The following DNAH3 variants were observed in gnomAD, a reference collection of about 807,000 sequenced individuals.
DNAH3 encodes dynein axonemal heavy chain 3.
Under a neutral mutation model 432.5 loss-of-function variants are expected in DNAH3, and 332 were observed. The observed-to-expected ratio is 0.77, with a 90% CI of 0.70 to 0.84. DNAH3 has a LOEUF of 0.84. Ranked by LOEUF, DNAH3 falls within the 40% of genes least tolerant of loss-of-function variation. DNAH3 has a pLI of 0.00. For missense variants in DNAH3, 4,861 were observed against 5,114.0 expected (o/e 0.95, Z 1.51); for synonymous variants, 1,956 against 1,900.2 (o/e 1.03, Z -0.76).
exon 52 of DNAH3, chr16:20,969,922 G>A (rs370460232): frequency 8.7e-6 from 14 of 1,614,042 alleles, no homozygotes; most frequent in African/African-American, 1.3e-5. Flanking sequence ...CCGGGTTCAG[G>A]GTGTCCAGAG....
chr16:20,988,984 G>A (rs931108366), intron 44 of DNAH3, among the ~76,000 whole-genome samples: 8 of 152,210 alleles, frequency 5.3e-5, no homozygotes, highest in African/African-American at 1.9e-4. Flanking sequence ...GAGTGAAGTT[G>A]CAGACTTTCG....
Position 20,941,381 on chromosome 16 carries a change from A to C in DNAH3, c.11654+20T>G, listed in dbSNP as rs1482026839. 1 of 1,613,350 alleles carries C rather than the reference A, an allele frequency of 6.2e-7. No individual in the cohort carries two copies. Among genetic ancestry groups the C allele is most frequent in the Non-Finnish European group, 8.5e-7 (1 of 1,179,708 alleles). On this transcript the variant is annotated intron_variant, in intron 59 of 61. Transcript: ENST00000261383. Reference sequence around the variant, plus strand: ...CTCACGTTCCAACTCCCAGGATTCAAGCTACATCATCTGGCCCACCTGTTG... The same window carrying C: ...CTCACGTTCCAACTCCCAGGATTCACGCTACATCATCTGGCCCACCTGTTG...
In DNAH3 at chr16:21,015,831, G is replaced by A. The variant is rs575161054; in HGVS notation, c.6022+3793C>T. 1.4e-4 allele frequency among the ~76,000 whole-genome samples: 21 copies of A among 151,602 alleles called. No homozygotes were observed. The South Asian group carries it at 2.9e-3, about 21-fold the overall frequency. The stretch of plus-strand genomic sequence containing the variant: ...TTCTGAGATGGAGTCTTGCTCTGTC[G>A]CCCAGGTTGGATTGCAGTGGTGTGA... On this transcript the variant is annotated intron_variant, in intron 41 of 61. Transcript: ENST00000261383.
chr16:21,035,666 A>G (rs2089133598), intron 35 of DNAH3, among the ~76,000 whole-genome samples: 1 of 152,230 alleles, frequency 6.6e-6, no homozygotes, highest in African/African-American at 2.4e-5. Flanking sequence ...AATTTTTCAT[A>G]ATAAAATATT....
At chr16:21,134,293 T>G in exon 7 of DNAH3, 1 of 1,613,770 alleles carries the variant, frequency 6.2e-7, no homozygotes, top group Non-Finnish European at 8.5e-7. Flanking sequence ...CTGAGCATCA[T>G]GGGGTTCACC....
At chr16:20,984,199 G>A (rs963830186) in intron 48 of DNAH3, among the ~76,000 whole-genome samples, 12 of 151,292 alleles carry the variant, frequency 7.9e-5, no homozygotes, top group South Asian at 2.1e-4. Context: ...GCACGTGTGC[G>A]CATGCGTGCG....
intron 41 of DNAH3, chr16:21,019,141 GC>G (rs1567644557): frequency 6.8e-6 from 1 of 147,804 alleles, no homozygotes; most frequent in Non-Finnish European, 1.5e-5. Flanking sequence ...CCACCCATGG[GC>G]CAACTCTATT....
At chr16:21,139,503 GT>G (rs1252082627) in intron 5 of DNAH3, among the ~76,000 whole-genome samples, 1 of 151,234 alleles carries the variant, frequency 6.6e-6, no homozygotes, top group Non-Finnish European at 1.5e-5. Flanking sequence ...TTGAGACAAG[GT>G]CTCACTCTGC....
At chr16:21,078,431 C>G (rs1162940191) in intron 20 of DNAH3, among the ~76,000 whole-genome samples, 1 of 152,110 alleles carries the variant, frequency 6.6e-6, no homozygotes, top group African/African-American at 2.4e-5. Flanking sequence ...TGATCAGGAC[C>G]TCAGCAGCGT....
intron 7 of DNAH3, among the ~76,000 whole-genome samples, chr16:21,133,043 C>T (rs1367265704): frequency 6.6e-6 from 1 of 151,774 alleles, no homozygotes; most frequent in East Asian, 1.9e-4. Flanking sequence ...CCTGTACTGG[C>T]ACTGAGTTAC....
intron 1 of DNAH3, chr16:21,150,387 G>C (rs1204388072): frequency 2.3e-6 from 1 of 437,128 alleles, no homozygotes; most frequent in African/African-American, 2.1e-5. Context: ...CCAGGGATGT[G>C]CCTCTCCTAT....
rs546442792 is a variant in DNAH3 at position 21,143,372 on chromosome 16, C to T, written c.448+1809G>A. ...TAAAAAAAACAGCAAAAAGATTTCT[C>T]ACCCCTTCTCCCATGTGAGCATGCA... On this transcript the variant is annotated intron_variant, in intron 3 of 61. Transcript: ENST00000261383. Among the ~76,000 whole-genome samples, 22 of 152,240 alleles carry T rather than the reference C, an allele frequency of 1.4e-4. 1 individual carries two copies. The South Asian group carries it at 4.4e-3, about 30-fold the overall frequency.
chr16:21,105,033 T>A lies in DNAH3; in HGVS notation c.2285-481A>T, dbSNP rs2091915161. On this transcript the variant is annotated intron_variant, in intron 15 of 61. Transcript: ENST00000261383. ...TTCCCTTTAGGTTAAATGGCAGTCA[T>A]GGTATCAAAGCCAAATGCCCTACCC... is the stretch of plus-strand genomic sequence containing the variant. Among the ~76,000 whole-genome samples the A allele has an allele frequency of 2.6e-5, 4 of 152,210 alleles. No homozygotes were observed. The South Asian group carries it at 8.3e-4, about 32-fold the overall frequency.
At position 20,959,608 on chromosome 16, in the gene DNAH3, TAAACACACACACACAC is replaced by T. The variant is rs1210058415; in HGVS notation, c.10601-220_10601-205del. 3.7e-5 allele frequency among the ~76,000 whole-genome samples: 4 copies of T among 109,552 alleles called. No homozygotes were observed. The South Asian group carries it at 9.2e-4, about 25-fold the overall frequency. The allele number at this position is 109,552 out of a possible 152,430, so 71.9% of individuals were successfully genotyped here. On this transcript the variant is annotated intron_variant, in intron 53 of 61. Transcript: ENST00000261383. Reference sequence around the variant, plus strand: ...AACACAGTGAGACCTTGTCTCTATTTAAACACACACACACACACACACACACACACACACACACACA... The same window carrying T: ...AACACAGTGAGACCTTGTCTCTATTTACACACACACACACACACACACACA...
intron 41 of DNAH3, among the ~76,000 whole-genome samples, chr16:21,004,617 C>G (rs1373621887): frequency 2.0e-5 from 3 of 152,154 alleles, no homozygotes; most frequent in Non-Finnish European, 4.4e-5. Flanking sequence ...ATCCACCCGA[C>G]TTGGCCTCCC....
In DNAH3 at chr16:21,081,687, G is replaced by A. The variant is rs751214875; in HGVS notation, c.2918C>T (p.Thr973Met). 1.8e-5 allele frequency: 29 copies of A among 1,613,814 alleles called. 1 individual carries two copies. Among genetic ancestry groups the A allele is most frequent in the South Asian group, 8.8e-5 (8 of 91,044 alleles). ...TTCGAGCATATTTGAGAGGCAGGTC[G>A]TTTCGGTGGGCTTTATCTCATAGCC... The change falls in exon 20 of 62, where the codon ACG (threonine) becomes ATG (methionine). Residue 973 changes from threonine (T) to methionine (M), a missense_variant. Thr to Met is a moderately conservative substitution (Grantham distance 81). Transcript: ENST00000261383.
At chr16:20,981,040 C>T (rs1003590356) in intron 49 of DNAH3, among the ~76,000 whole-genome samples, 1 of 152,148 alleles carries the variant, frequency 6.6e-6, no homozygotes, top group Non-Finnish European at 1.5e-5. Context: ...CATAGTTTGT[C>T]AGCTTCTGCA....
At chr16:20,955,462 C>T (rs978682872) in intron 54 of DNAH3, among the ~76,000 whole-genome samples, 6 of 150,076 alleles carry the variant, frequency 4.0e-5, no homozygotes, top group African/African-American at 1.5e-4. Context: ...AAAGCTCCTA[C>T]TCTTTTTTTT....
chr16:20,996,338 G>T (rs1463378904), intron 44 of DNAH3, among the ~76,000 whole-genome samples: 1 of 152,120 alleles, frequency 6.6e-6, no homozygotes, highest in African/African-American at 2.4e-5. Context: ...GGAACTATTG[G>T]TAGCTATGTG....
Sources: allele counts gnomAD v4.1 joint callset (sites outside exome capture counted in the v4.1 genomes callset), GRCh38; gene constraint gnomAD v4.1.1; transcripts MANE v1.5; gene names NCBI Gene and HGNC (gene_info 2026-07-23, HGNC 2026-07-21).